Variants in PCNX2 observed in about 807,000 individuals in gnomAD.
The protein encoded by PCNX2 is pecanex-like protein 2.
In PCNX2, 168 loss-of-function variants were observed where a neutral mutation model predicts 223.8. That is an observed-to-expected ratio of 0.75 (90% CI 0.66 to 0.85). PCNX2 has a LOEUF of 0.85. Among genes scored for constraint, PCNX2 ranks in the 40% least tolerant of loss-of-function variants. The pLI is 0.00. For missense variants in PCNX2, 2,507 were observed against 2,675.5 expected, an observed-to-expected ratio of 0.94 and a Z score of 1.39; for synonymous variants, 1,006 against 1,052.6, an observed-to-expected ratio of 0.96 and a Z score of 0.86.
rs576068825 is a variant in PCNX2, at chr1:233,076,903, TG to T, written c.4076+13157del. 8.5e-4 allele frequency among the ~76,000 whole-genome samples: 129 copies of T among 152,342 alleles called. 1 individual carries two copies. Among genetic ancestry groups the T allele is most frequent in the Admixed American group, 6.7e-3 (103 of 15,300 alleles). ...GAGTGCCCAAGAACAAGTCTGCAGCTGTAAGTCAACAAACATGATTTCTGGT... is the reference window on the plus strand; with the variant it reads ...GAGTGCCCAAGAACAAGTCTGCAGCTTAAGTCAACAAACATGATTTCTGGT... On this transcript the variant is annotated intron_variant, in intron 23 of 33. Transcript: ENST00000258229.
At chr1:233,271,919 A>T (rs1660658623) in intron 1 of PCNX2, among the ~76,000 whole-genome samples, 1 of 152,004 alleles carries the variant, frequency 6.6e-6, no homozygotes. Flanking sequence ...ATGCCTCCAG[A>T]TTTGTTCTTT....
At chr1:233,030,850 T>A (rs990103222) in intron 25 of PCNX2, among the ~76,000 whole-genome samples, 9 of 152,356 alleles carry the variant, frequency 5.9e-5, no homozygotes, top group South Asian at 2.1e-4. Context: ...CAAGAGCAGG[T>A]TAGTATCCAT....
chr1:233,150,462 C>T lies in PCNX2; in HGVS notation c.3517+9821G>A, dbSNP rs563161558. ...AGAAATACAAGGTAGGGAAGAGCAA[C>T]GTGAGAGAATCAGAATATTAAAGTT... On this transcript the variant is annotated intron_variant, in intron 19 of 33. Coordinates refer to ENST00000258229, the MANE Select transcript of PCNX2 (RefSeq NM_014801.4). Among the ~76,000 whole-genome samples the T allele has an allele frequency of 3.9e-5, 6 of 152,274 alleles. No homozygotes were observed. The South Asian group carries it at 6.2e-4, about 16-fold the overall frequency.
intron 19 of PCNX2, among the ~76,000 whole-genome samples, chr1:233,154,796 C>T (rs573306435): frequency 8.5e-5 from 13 of 152,228 alleles, no homozygotes; most frequent in Non-Finnish European, 1.9e-4. Context: ...TGGCCAGGCA[C>T]GGTGGCTCAC....
chr1:233,215,347 A>T (rs1682061070), intron 12 of PCNX2, among the ~76,000 whole-genome samples: 1 of 152,258 alleles, frequency 6.6e-6, no homozygotes, highest in South Asian at 2.1e-4. Flanking sequence ...AATCTGTGTA[A>T]GCAAATTAAT....
chr1:233,054,564 C>A (rs566220886), intron 24 of PCNX2, 81 bp from the exon 25 acceptor site: 201 of 1,137,834 alleles, frequency 1.8e-4, no homozygotes, highest in Middle Eastern at 4.0e-4. Context: ...GAGTTGTCAT[C>A]TGATTAAGGG....
In PCNX2 at chr1:233,253,635, C is replaced by A. The variant is rs954733545; in HGVS notation, c.1835-847G>T. ...TACTGGGATTACAGGCATGAGCCAC[C>A]ACACCCGGCCTGCTGATTTTGAACA... On this transcript the variant is annotated intron_variant, in intron 5 of 33. Transcript: ENST00000258229. The surrounding 1 kb of genome is among the most constrained non-coding windows in gnomAD (Gnocchi z 4.2). Among the ~76,000 whole-genome samples, 5 of 152,186 alleles carry A rather than the reference C, an allele frequency of 3.3e-5. No individual in the cohort carries two copies. Among genetic ancestry groups the A allele is most frequent in the African/African-American group, 1.2e-4 (5 of 41,424 alleles).
rs191199065 is a variant in PCNX2, at chr1:232,991,341, G to A, written c.5792-4801C>T. Among the ~76,000 whole-genome samples, 2 of 152,232 alleles carry A rather than the reference G, an allele frequency of 1.3e-5. No individual in the cohort carries two copies. Among genetic ancestry groups the A allele is most frequent in the Admixed American group, 1.3e-4 (2 of 15,298 alleles). On this transcript the variant is annotated intron_variant, in intron 32 of 33. Coordinates refer to ENST00000258229, the MANE Select transcript of PCNX2 (RefSeq NM_014801.4). This position sits in a 1 kb window ranked among gnomAD's most constrained non-coding sequence, Gnocchi z 4.3. The stretch of plus-strand genomic sequence containing the variant: ...TTGACACTGTTGAGGGACAGCAAGA[G>A]ACCGTGTGCTGGGGATGTGGGCTCA...
rs369323045 is a variant in PCNX2 at position 233,117,517 on chromosome 1, C to T, written c.3837+17496G>A. 1.9e-4 allele frequency among the ~76,000 whole-genome samples: 29 copies of T among 149,088 alleles called. No homozygotes were observed. In the East Asian group the frequency reaches 5.3e-3, roughly 27 times the overall value. On this transcript the variant is annotated intron_variant, in intron 21 of 33. Transcript: ENST00000258229. The stretch of plus-strand genomic sequence containing the variant: ...TCGGGAGGCTGAGGCAGGAGAAAGG[C>T]GTGAACCCGGGAGGCGGAGCTTGCA...
At chr1:233,073,963 C>T (rs1046178338) in intron 23 of PCNX2, among the ~76,000 whole-genome samples, 5 of 152,134 alleles carry the variant, frequency 3.3e-5, no homozygotes, top group African/African-American at 1.2e-4. Context: ...GAATTTTCCT[C>T]TGAGAACTGC....
chr1:233,319,343 C>T, the PCNX2 span, among the ~76,000 whole-genome samples: 14 of 152,200 alleles, frequency 9.2e-5, no homozygotes, highest in African/African-American at 2.4e-4. Flanking sequence ...TGACTGCTCC[C>T]GCAGGTAGAT....
intron 12 of PCNX2, among the ~76,000 whole-genome samples, chr1:233,209,322 T>G (rs985701668): frequency 2.0e-5 from 3 of 152,204 alleles, no homozygotes; most frequent in African/African-American, 7.2e-5. Context: ...CTATGCCTAT[T>G]GTTATGAGGC....
rs111738963 is a variant in PCNX2 at position 233,246,236 on chromosome 1, A to G, written c.2222+4503T>C. Among the ~76,000 whole-genome samples, 740 of 147,882 alleles carry G rather than the reference A, an allele frequency of 5.0e-3. 5 individuals are homozygous for G. Among genetic ancestry groups the G allele is most frequent in the African/African-American group, 0.016 (628 of 38,286 alleles). On this transcript the variant is annotated intron_variant, in intron 8 of 33. Transcript: ENST00000258229. ...GGGATGAATGCCCTTCAGATGGGAT[A>G]AATGCCCTTCAGATGGGATAAATGC...
At chr1:233,199,695 C>T (rs1300812712) in intron 14 of PCNX2, among the ~76,000 whole-genome samples, 1 of 151,960 alleles carries the variant, frequency 6.6e-6, no homozygotes, top group African/African-American at 2.4e-5. Context: ...GGACACAGAT[C>T]ACCTGTCTCT....
intron 19 of PCNX2, among the ~76,000 whole-genome samples, chr1:233,143,895 C>CCTG (rs1428556739): frequency 6.6e-6 from 1 of 152,130 alleles, no homozygotes; most frequent in Non-Finnish European, 1.5e-5. Flanking sequence ...CCCCCATTCT[C>CCTG]CTGCATTACT....
chr1:233,049,886 C>A (rs762824933), intron 25 of PCNX2, among the ~76,000 whole-genome samples: 18 of 147,044 alleles, frequency 1.2e-4, no homozygotes, highest in Non-Finnish European at 2.5e-4. Flanking sequence ...CACACACACA[C>A]AAATACCTAA....
chr1:233,250,102 G>A (rs537698063), intron 8 of PCNX2, among the ~76,000 whole-genome samples: 2 of 152,226 alleles, frequency 1.3e-5, no homozygotes, highest in South Asian at 4.2e-4. Context: ...TCCACACTTA[G>A]AGCAACCAAC....
chr1:233,147,577 T>C (rs1677535612), intron 19 of PCNX2, among the ~76,000 whole-genome samples: 1 of 146,124 alleles, frequency 6.8e-6, no homozygotes, highest in South Asian at 2.1e-4. Flanking sequence ...GTATAACTTT[T>C]ACTGAAAAAA....
intron 13 of PCNX2, among the ~76,000 whole-genome samples, chr1:233,204,408 A>G (rs12027542): frequency 0.07 from 10,601 of 152,232 alleles, 620 homozygotes; most frequent in East Asian, 0.32. Flanking sequence ...CAGCGGCTCT[A>G]GGAAGTATTA....
Sources: gnomAD v4.1 joint callset for allele counts (sites outside exome capture counted in the v4.1 genomes callset) on GRCh38, gnomAD v4.1.1 for gene constraint, Gnocchi (gnomAD v3.1) non-coding constraint, MANE v1.5 for transcripts, NCBI Gene and HGNC (gene_info 2026-07-23, HGNC 2026-07-21) for gene names.